The following WASHC4 variants were observed in gnomAD, a reference collection of about 807,000 sequenced individuals.
WASHC4 encodes the protein WASH complex subunit 7.
Under a neutral mutation model 166.6 loss-of-function variants are expected in WASHC4, and 86 were observed. The ratio of observed to expected loss-of-function variants is 0.52; its 90% CI spans 0.43 to 0.62. The LOEUF (loss-of-function observed/expected upper bound fraction) is 0.62, where lower values mean the gene tolerates loss of function less well. Among genes scored for constraint, WASHC4 ranks in the 20% least tolerant of loss-of-function variants. WASHC4 has a pLI of 0.00. For synonymous variants in WASHC4, 446 were observed against 451.6 expected (o/e 0.99, Z 0.16); for missense variants, 1,262 against 1,382.4 (o/e 0.91, Z 1.38).
chr12:105,160,896 GCTT>G (rs1884454703), intron 29 of WASHC4, among the ~76,000 whole-genome samples: 1 of 152,090 alleles, frequency 6.6e-6, no homozygotes, highest in South Asian at 2.1e-4. Context: ...AATTTTTAAT[GCTT>G]CTTAGAGTAT....
At chr12:105,160,760 T>A (rs541450846) in intron 29 of WASHC4, among the ~76,000 whole-genome samples, 31 of 152,348 alleles carry the variant, frequency 2.0e-4, no homozygotes, top group African/African-American at 6.5e-4. Context: ...TAATATATAA[T>A]CATTTTAAGT....
chr12:105,141,670 G>A (rs1252648250), intron 18 of WASHC4, among the ~76,000 whole-genome samples: 2 of 152,070 alleles, frequency 1.3e-5, no homozygotes, highest in Non-Finnish European at 2.9e-5. Context: ...ATTAGTTTTT[G>A]GAAGGCTTAT....
chr12:105,115,544 A>G (rs1301430282), intron 5 of WASHC4, 117 bp from the exon 6 acceptor site: 13 of 748,428 alleles, frequency 1.7e-5, no homozygotes, highest in Admixed American at 8.2e-5. Context: ...TCTGTTTTCA[A>G]TACTATGCAG....
intron 20 of WASHC4, among the ~76,000 whole-genome samples, 195 bp from the exon 21 acceptor site, chr12:105,144,092 C>T (rs1172811044): frequency 2.6e-5 from 4 of 151,670 alleles, no homozygotes; most frequent in Non-Finnish European, 5.9e-5. Flanking sequence ...TATGATGGTA[C>T]CATCAATCAT....
intron 10 of WASHC4, among the ~76,000 whole-genome samples, chr12:105,124,914 A>G (rs1245270262): frequency 6.6e-6 from 1 of 152,246 alleles, no homozygotes; most frequent in African/African-American, 2.4e-5. Flanking sequence ...ATAAATTAAA[A>G]TGAAATACAA....
At chr12:105,122,086 G>T in intron 9 of WASHC4, 32 bp from the exon 10 acceptor site, 1 of 1,500,674 alleles carries the variant, frequency 6.7e-7, no homozygotes. Context: ...TTATTAGGTA[G>T]ATTTAAGATG....
intron 13 of WASHC4, among the ~76,000 whole-genome samples, chr12:105,131,814 T>A (rs1217348040): frequency 6.6e-6 from 1 of 152,252 alleles, no homozygotes; most frequent in Non-Finnish European, 1.5e-5. Flanking sequence ...TGACTATTTG[T>A]GTTTTTCGTC....
chr12:105,114,963 T>A (rs1282435263), intron 4 of WASHC4, among the ~76,000 whole-genome samples: 1 of 151,894 alleles, frequency 6.6e-6, no homozygotes, highest in Non-Finnish European at 1.5e-5. Context: ...TCAGATAAGA[T>A]GAAGTAAAGG....
rs1001284330 is a variant in WASHC4 at position 105,107,754 on chromosome 12, C to T, written c.-47C>T. Reference sequence around the variant, plus strand: ...ACAGTAGCTGGGGTGAGGCCGTCGTCGCCGCACGGGCTGGTTGGGGCTGTG... The same window carrying T: ...ACAGTAGCTGGGGTGAGGCCGTCGTTGCCGCACGGGCTGGTTGGGGCTGTG... On this transcript the variant is annotated 5_prime_UTR_variant, in exon 1 of 33. Coordinates refer to ENST00000332180, the MANE Select transcript of WASHC4 (RefSeq NM_015275.3). 5 of 1,444,514 alleles carry T rather than the reference C, an allele frequency of 3.5e-6. No homozygotes were observed. In the East Asian group the frequency reaches 7.5e-5, roughly 22 times the overall value. The allele number at this position is 1,444,514 out of a possible 1,614,324, so 89.5% of individuals were successfully genotyped here.
chr12:105,139,281 G>A (rs1382738637), intron 15 of WASHC4, among the ~76,000 whole-genome samples: 2 of 151,580 alleles, frequency 1.3e-5, no homozygotes, highest in Non-Finnish European at 2.9e-5. Context: ...ATCCTTGTAT[G>A]TGTTTCTTGG....
intron 24 of WASHC4, 142 bp from the exon 25 acceptor site, chr12:105,149,473 G>T: frequency 1.9e-6 from 2 of 1,026,764 alleles, no homozygotes; most frequent in Non-Finnish European, 1.3e-6. Context: ...AATATTTTCA[G>T]GTCCAATATG....
chr12:105,161,577 C>G (rs535147757), intron 29 of WASHC4, among the ~76,000 whole-genome samples: 1 of 152,220 alleles, frequency 6.6e-6, no homozygotes, highest in Admixed American at 6.5e-5. Flanking sequence ...ATGGAGAAAA[C>G]AAAGTGGATT....
At chr12:105,134,755 T>C (rs1160685282) in intron 14 of WASHC4, among the ~76,000 whole-genome samples, 1 of 151,964 alleles carries the variant, frequency 6.6e-6, no homozygotes, top group Non-Finnish European at 1.5e-5. Flanking sequence ...ACGTATATTT[T>C]TCTCCTATCT....
chr12:105,137,950 T>C lies in WASHC4; in HGVS notation c.1391T>C (p.Met464Thr), dbSNP rs1459754554. The C allele has an allele frequency of 1.2e-6, 2 of 1,613,090 alleles. No homozygotes were observed. The highest frequency in any genetic ancestry group is 1.7e-5 in the Admixed American group (1 of 60,010). The change falls in exon 15 of 33, where the codon ATG (methionine) becomes ACG (threonine). Residue 464 changes from methionine to threonine, a missense_variant. By Grantham distance (81) the Met-to-Thr change is moderately conservative (BLOSUM62 -1). Coordinates refer to ENST00000332180, the MANE Select transcript of WASHC4 (RefSeq NM_015275.3). ...ACCACAATGAATCTCTACATGTCCATGCAAAAGCCAATGACCAAAACCTCA... is the reference window on the plus strand; with the variant it reads ...ACCACAATGAATCTCTACATGTCCACGCAAAAGCCAATGACCAAAACCTCA... ...IKTTMNLYMS[M>T]QKPMTKTSVK... is the part of the protein sequence containing the mutation.
chr12:105,137,961 A>G lies in WASHC4; in HGVS notation c.1402A>G (p.Met468Val). 4 of 1,613,276 alleles carry G rather than the reference A, an allele frequency of 2.5e-6. No individual in the cohort carries two copies. The highest frequency in any genetic ancestry group is 4.5e-5 in the East Asian group (2 of 44,774). The change falls in exon 15 of 33, where the codon ATG becomes GTG. Residue 468 changes from methionine to valine, a missense_variant. Transcript: ENST00000332180. ...MNLYMSMQKP[M>V]TKTSVKALCR... Reference sequence around the variant, plus strand: ...TCTCTACATGTCCATGCAAAAGCCAATGACCAAAACCTCAGTTAAGGCATT... The same window carrying G: ...TCTCTACATGTCCATGCAAAAGCCAGTGACCAAAACCTCAGTTAAGGCATT...
intron 2 of WASHC4, among the ~76,000 whole-genome samples, chr12:105,113,550 A>G (rs1879890499): frequency 6.6e-6 from 1 of 152,046 alleles, no homozygotes; most frequent in South Asian, 2.1e-4. Context: ...ATTTTGGGAA[A>G]AACCACAAAC....
intron 31 of WASHC4, 50 bp from the exon 32 acceptor site, chr12:105,164,591 G>T: frequency 7.8e-7 from 1 of 1,276,796 alleles, no homozygotes; most frequent in Non-Finnish European, 1.1e-6. Flanking sequence ...TTGGTATTTT[G>T]CCATAATAAG....
At chr12:105,150,761 T>C (rs186043407) in intron 25 of WASHC4, among the ~76,000 whole-genome samples, 2 of 152,308 alleles carry the variant, frequency 1.3e-5, no homozygotes, top group Admixed American at 6.5e-5. Context: ...AGAGGTTTAA[T>C]TGACTCACAG....
At position 105,160,010 on chromosome 12, in the gene WASHC4, T is replaced by G; in HGVS notation, c.2922T>G (p.Asp974Glu). 1 of 1,614,054 alleles carries G rather than the reference T, an allele frequency of 6.2e-7. No individual in the cohort carries two copies. Among genetic ancestry groups the G allele is most frequent in the Middle Eastern group, 1.7e-4 (1 of 6,060 alleles). ...EETLKAARHL[D>E]SVLSDHTRNS... ...ATTTTTTGCTTTTTAGGCATTTGGA[T>G]TCAGTCCTCAGTGATCACACACGAA... The change falls in exon 29 of 33, where the codon GAT (aspartate) becomes GAG (glutamate). Residue 974 changes from aspartate to glutamate, a missense_variant. By Grantham distance (45) the Asp-to-Glu change is conservative (BLOSUM62 2). Transcript: ENST00000332180.
Sources: allele counts gnomAD v4.1 joint callset (sites outside exome capture counted in the v4.1 genomes callset), GRCh38; gene constraint gnomAD v4.1.1; transcripts MANE v1.5; gene names NCBI Gene and HGNC (gene_info 2026-07-23, HGNC 2026-07-21).